The following CUBN variants were observed in gnomAD, a reference collection of about 807,000 sequenced individuals.
CUBN encodes 460 kDa receptor.
Under a neutral mutation model 405.3 loss-of-function variants are expected in CUBN, and 282 were observed. The observed-to-expected ratio is 0.70, with a 90% CI of 0.63 to 0.77. The LOEUF (loss-of-function observed/expected upper bound fraction) is 0.77. CUBN is among the 30% of genes least tolerant of loss of function. The pLI, the probability that CUBN is intolerant of heterozygous loss-of-function variation, is 0.00. For synonymous variants in CUBN, 1,684 were observed against 1,617.0 expected, an observed-to-expected ratio of 1.04 and a Z score of -0.99; for missense variants, 4,514 against 4,475.2, an observed-to-expected ratio of 1.01 and a Z score of -0.25.
intron 56 of CUBN, among the ~76,000 whole-genome samples, chr10:16,878,415 A>G (rs956301541): frequency 2.6e-5 from 4 of 152,224 alleles, no homozygotes; most frequent in Non-Finnish European, 2.9e-5. Flanking sequence ...CATTCCATCA[A>G]TCCCCTATTG....
chr10:17,044,873 T>C (rs1299734964), intron 25 of CUBN, 134 bp downstream of exon 25: 7 of 936,326 alleles, frequency 7.5e-6, no homozygotes, highest in Non-Finnish European at 1.0e-5. Context: ...TTTATGTTTT[T>C]ATTTTGTTTG....
chr10:16,914,452 A>G (rs578115260), intron 47 of CUBN, among the ~76,000 whole-genome samples: 262 of 152,186 alleles, frequency 1.7e-3, no homozygotes, highest in African/African-American at 6.0e-3. Flanking sequence ...TCAGCTACTC[A>G]GGAGCCTGAG....
rs1191403542 is a variant in CUBN at position 17,100,210 on chromosome 10, C to T, written c.1560G>A (p.Arg520=). Residue 520 remains arginine (R), a synonymous_variant, in exon 14 of 67, where the codon CGG becomes CGA. Transcript: ENST00000377833. ...GTGGACAGTTGTCCATGGATTCTAACCGGAAAAAAGTGAAAGTGATACGCA... is the reference window on the plus strand; with the variant it reads ...GTGGACAGTTGTCCATGGATTCTAATCGGAAAAAAGTGAAAGTGATACGCA... ...KVLRITFTFF[R]LESMDNCPHE... 2 of 1,613,654 alleles carry T rather than the reference C, an allele frequency of 1.2e-6. No individual in the cohort carries two copies. Among genetic ancestry groups the T allele is most frequent in the Admixed American group, 3.3e-5 (2 of 60,016 alleles).
At chr10:16,968,675 A>G (rs1299896526) in intron 31 of CUBN, among the ~76,000 whole-genome samples, 1 of 152,256 alleles carries the variant, frequency 6.6e-6, no homozygotes, top group Non-Finnish European at 1.5e-5. Context: ...GAGATCAATA[A>G]GAGCTTGCAG....
In CUBN at chr10:16,900,714, G is replaced by A. The variant is rs1841336944; in HGVS notation, c.8321C>T (p.Ser2774Leu). The A allele has an allele frequency of 1.2e-5, 20 of 1,614,136 alleles. No homozygotes were observed. The highest frequency in any genetic ancestry group is 1.7e-5 in the Non-Finnish European group (20 of 1,179,996). Reference sequence around the variant, plus strand: ...AGTCACGACCAGCTGATTGGAACCTGACTGTATTGTCCTGGGGTTTGAATT... The same window carrying A: ...AGTCACGACCAGCTGATTGGAACCTAACTGTATTGTCCTGGGGTTTGAATT... ...CGNSNPRTIQSGSNQLVVTFN... is the reference protein window; with the variant it reads ...CGNSNPRTIQLGSNQLVVTFN... The change falls in exon 53 of 67, where the codon TCA becomes TTA. Residue 2774 changes from serine to leucine, a missense_variant. By Grantham distance (145) the Ser-to-Leu change is moderately radical (BLOSUM62 -2). This residue lies in a region of CUBN where 1,186 missense variants were observed against 1,186.9 expected (regional missense o/e 1.00). Transcript: ENST00000377833.
rs1300558412 is a variant in CUBN at position 16,874,508 on chromosome 10, A to C, written c.9107-5T>G. 1 of 1,614,048 alleles carries C rather than the reference A, an allele frequency of 6.2e-7. No homozygotes were observed. Among genetic ancestry groups the C allele is most frequent in the African/African-American group, 1.3e-5 (1 of 74,928 alleles). On this transcript the variant is annotated splice_region_variant and splice_polypyrimidine_tract_variant and intron_variant, in intron 57 of 66. Transcript: ENST00000377833. ...AATTGAACACACCACCACAGGCTGC[A>C]ACAGAAGACAAGGGAATATGAAGAG...
chr10:16,980,236 G>A (rs1371883754), intron 31 of CUBN, among the ~76,000 whole-genome samples: 9 of 152,184 alleles, frequency 5.9e-5, no homozygotes, highest in South Asian at 2.1e-4. Flanking sequence ...GTTTTTACTC[G>A]TTGGTGGGAG....
At chr10:17,022,237 G>A (rs1411772143) in intron 27 of CUBN, among the ~76,000 whole-genome samples, 1 of 152,134 alleles carries the variant, frequency 6.6e-6, no homozygotes, top group African/African-American at 2.4e-5. Flanking sequence ...CAAATCGGCT[G>A]CTCATCATAA....
intron 31 of CUBN, among the ~76,000 whole-genome samples, chr10:16,969,029 T>C (rs1477427033): frequency 6.6e-6 from 1 of 152,210 alleles, no homozygotes; most frequent in Non-Finnish European, 1.5e-5. Flanking sequence ...AGTCAAAAAA[T>C]CCAGTTTTTC....
Position 16,889,953 on chromosome 10 carries a change from A to AAAAAAAAAAAAAAAAAAG in CUBN, c.8755+417_8755+418insCTTTTTTTTTTTTTTTTT, listed in dbSNP as rs57009841. Among the ~76,000 whole-genome samples the AAAAAAAAAAAAAAAAAAG allele has an allele frequency of 1.9e-3, 224 of 117,994 alleles. 37 individuals carry two copies. The highest frequency in any genetic ancestry group is 9.1e-3 in the African/African-American group (217 of 23,854). 77.4% of individuals were successfully genotyped at this position (117,994 alleles called of 152,430 possible). ...GCCGTGTCAAAAAAAAAAAAAAAAA[A>AAAAAAAAAAAAAAAAAAG]CAGGAAAGACTTCGTCATGGAAATT... On this transcript the variant is annotated intron_variant, in intron 55 of 66. Transcript: ENST00000377833.
chr10:17,091,331 A>G (rs926653756), intron 14 of CUBN, among the ~76,000 whole-genome samples: 1 of 152,206 alleles, frequency 6.6e-6, no homozygotes, highest in African/African-American at 2.4e-5. Flanking sequence ...CGAAAACAAA[A>G]CAAAATAAAA....
chr10:16,946,256 T>A (rs1842778095), intron 36 of CUBN, among the ~76,000 whole-genome samples: 1 of 152,158 alleles, frequency 6.6e-6, no homozygotes, highest in Middle Eastern at 3.2e-3. Flanking sequence ...TACCTCTCTA[T>A]CAGTTGATTA....
At chr10:16,932,951 C>T in intron 40 of CUBN, 136 bp downstream of exon 40, 1 of 848,508 alleles carries the variant, frequency 1.2e-6, no homozygotes, top group Non-Finnish European at 1.9e-6. Context: ...ATTTCTGGTA[C>T]TGATGCCTTC....
intron 27 of CUBN, among the ~76,000 whole-genome samples, chr10:17,021,143 T>C (rs1834490096): frequency 6.6e-6 from 1 of 152,168 alleles, no homozygotes; most frequent in Non-Finnish European, 1.5e-5. Context: ...TTTAGGGGCA[T>C]TTAGATTTCT....
At chr10:16,869,108 T>C (rs2131366434) in intron 59 of CUBN, among the ~76,000 whole-genome samples, 1 of 151,684 alleles carries the variant, frequency 6.6e-6, no homozygotes, top group African/African-American at 2.4e-5. Flanking sequence ...ATCATAAGCT[T>C]CTTCCTTCCC....
intron 54 of CUBN, among the ~76,000 whole-genome samples, chr10:16,893,544 C>T (rs553840263): frequency 1.3e-5 from 2 of 152,310 alleles, no homozygotes; most frequent in African/African-American, 2.4e-5. Flanking sequence ...ACATTGCCTT[C>T]TCTCTAACCT....
intron 29 of CUBN, among the ~76,000 whole-genome samples, chr10:16,989,898 G>T (rs1339037578): frequency 6.6e-6 from 1 of 152,196 alleles, no homozygotes; most frequent in Non-Finnish European, 1.5e-5. Flanking sequence ...CTTTCTGGGG[G>T]AGCTTTCTCA....
intron 58 of CUBN, among the ~76,000 whole-genome samples, chr10:16,870,216 G>A (rs1185435133): frequency 1.3e-5 from 2 of 152,074 alleles, no homozygotes; most frequent in African/African-American, 4.8e-5. Flanking sequence ...AGTTTTTTAG[G>A]TCTCATTAAA....
At chr10:16,829,945 T>G (rs1588565175) in intron 65 of CUBN, among the ~76,000 whole-genome samples, 1 of 151,750 alleles carries the variant, frequency 6.6e-6, no homozygotes, top group Admixed American at 6.6e-5. Flanking sequence ...TTGTTTTGTT[T>G]TTTTTTTTGA....
Sources: gnomAD v4.1 joint callset for allele counts (sites outside exome capture counted in the v4.1 genomes callset) on GRCh38, gnomAD v4.1.1 for gene constraint, gnomAD v4.1.1 regional missense constraint, MANE v1.5 for transcripts, NCBI Gene and HGNC (gene_info 2026-07-23, HGNC 2026-07-21) for gene names.